CTSK: variants seen among roughly 807,000 people sequenced by gnomAD.
The protein encoded by CTSK is cathepsin K.
In CTSK, 26 loss-of-function variants were observed where a neutral mutation model predicts 40.5. The observed-to-expected ratio is 0.64, with a 90% CI of 0.47 to 0.89. The LOEUF is 0.89. Among genes scored for constraint, CTSK ranks in the 40% least tolerant of loss-of-function variants. The probability of loss-of-function intolerance (pLI) is 0.00; values close to 1 mark genes in which losing one functional copy is unlikely to be tolerated. For synonymous variants in CTSK, 132 were observed against 143.2 expected (o/e 0.92, Z 0.56); for missense variants, 292 against 400.1 (o/e 0.73, Z 2.30).
At chr1:150,796,965 G>A in intron 7 of CTSK, 67 bp from the exon 8 acceptor site, 1 of 1,126,136 alleles carries the variant, frequency 8.9e-7, no homozygotes, top group South Asian at 1.2e-5. Context: ...TATTTACTGA[G>A]TATTGTGCGA....
intron 5 of CTSK, chr1:150,800,903 A>G (rs1002020676): frequency 6.6e-6 from 1 of 152,248 alleles, no homozygotes; most frequent in Non-Finnish European, 1.5e-5. Context: ...TACTGCCTTG[A>G]TATTTTTCAA....
At chr1:150,807,122 AC>A (rs1654121415) in intron 1 of CTSK, 1 of 442,392 alleles carries the variant, frequency 2.3e-6, no homozygotes. Flanking sequence ...ACACACACAC[AC>A]ACGTACACAA....
chr1:150,807,005 T>TTC (rs71659432), intron 1 of CTSK, among the ~76,000 whole-genome samples, 199 bp from the exon 2 acceptor site: 2,871 of 139,032 alleles, frequency 0.021, 56 homozygotes, highest in African/African-American at 0.049. Context: ...ATTTCTCTCT[T>TTC]TCTCTCTCTC....
At chr1:150,806,265 G>A (rs199976601) in intron 2 of CTSK, 41 bp from the exon 3 acceptor site, 1 of 1,605,872 alleles carries the variant, frequency 6.2e-7, no homozygotes, top group African/African-American at 1.3e-5. Flanking sequence ...ACTGTCTACA[G>A]TTACATATGT....
intron 5 of CTSK, among the ~76,000 whole-genome samples, chr1:150,802,311 G>A (rs1654009741): frequency 6.6e-6 from 1 of 151,768 alleles, no homozygotes. Context: ...GCCAGGCATG[G>A]TGGCTTACAT....
Position 150,806,816 on chromosome 1 carries a change from A to G in CTSK, c.-1-10T>C, listed in dbSNP as rs768245146. 15 of 1,613,272 alleles carry G rather than the reference A, an allele frequency of 9.3e-6. No homozygotes were observed. The highest frequency in any genetic ancestry group is 1.2e-5 in the Non-Finnish European group (14 of 1,180,010). ...CTTGAGCCCCCACATCCTGCAGAAG[A>G]ATGTAGTTAGGGAAAACTCTTCCAT... On this transcript the variant is annotated splice_polypyrimidine_tract_variant and intron_variant, in intron 1 of 7. Coordinates refer to ENST00000271651, the MANE Select transcript of CTSK (RefSeq NM_000396.4).
At position 150,803,927 on chromosome 1, in the gene CTSK, G is replaced by A. The variant is rs1036037053; in HGVS notation, c.618+94C>T. ...ATCAAGAAAGCAGGATAGGATAACA[G>A]AAAACAGTATTTCTGGAATTGTTTC... On this transcript the variant is annotated intron_variant, in intron 5 of 7. Transcript: ENST00000271651. 4.5e-6 allele frequency: 5 copies of A among 1,104,986 alleles called. No individual in the cohort carries two copies. The East Asian group carries it at 9.4e-5, about 21-fold the overall frequency. The allele number at this position is 1,104,986 out of a possible 1,614,324, so 68.4% of individuals were successfully genotyped here. A position where few individuals can be genotyped will look rare whatever the true frequency, so the allele number is the denominator to read the frequency against.
intron 5 of CTSK, among the ~76,000 whole-genome samples, chr1:150,801,367 C>T (rs1653984889): frequency 6.6e-6 from 1 of 152,108 alleles, no homozygotes; most frequent in South Asian, 2.1e-4. Flanking sequence ...GATCTGCCTG[C>T]CTCAGCCTCC....
intron 4 of CTSK, among the ~76,000 whole-genome samples, chr1:150,805,539 T>A (rs1557826289): frequency 6.9e-6 from 1 of 145,232 alleles, no homozygotes; most frequent in Non-Finnish European, 1.5e-5. Context: ...CTCAGGAGGC[T>A]GAGGCAGGAG....
intron 5 of CTSK, 38 bp from the exon 6 acceptor site, chr1:150,799,747 C>T: frequency 1.3e-6 from 2 of 1,590,866 alleles, no homozygotes; most frequent in Non-Finnish European, 1.7e-6. Context: ...TAGGACAAAG[C>T]AATAGGCAAT....
At chr1:150,799,374 G>A (rs1417428701) in intron 6 of CTSK, 101 bp from the exon 7 acceptor site, 8 of 1,238,492 alleles carry the variant, frequency 6.5e-6, no homozygotes, top group African/African-American at 1.5e-5. Context: ...ATCCGTGTCA[G>A]GAGGGTTTAC....
chr1:150,799,117 T>A, intron 7 of CTSK, 51 bp downstream of exon 7: 1 of 1,187,384 alleles, frequency 8.4e-7, no homozygotes, highest in Non-Finnish European at 1.3e-6. Context: ...GGAGGTGAGG[T>A]TGAGTGTTAA....
chr1:150,803,982 G>A (rs1192599193), intron 5 of CTSK, 39 bp downstream of exon 5: 8 of 1,508,800 alleles, frequency 5.3e-6, no homozygotes, highest in Non-Finnish European at 7.4e-6. Flanking sequence ...GGGGAAGGAG[G>A]AGCCAACAGA....
At chr1:150,806,628 A>C in intron 2 of CTSK, 58 bp downstream of exon 2, 12 of 1,611,096 alleles carry the variant, frequency 7.4e-6, no homozygotes, top group Non-Finnish European at 1.0e-5. Flanking sequence ...CTGGAAGCTA[A>C]GATGAGAGAG....
In CTSK at chr1:150,799,540, T is replaced by C. The variant is rs201251502; in HGVS notation, c.784+4A>G. 46 of 1,614,078 alleles carry C rather than the reference T, an allele frequency of 2.8e-5. No individual in the cohort carries two copies. The highest frequency in any genetic ancestry group is 3.7e-5 in the Non-Finnish European group (44 of 1,180,024). ...AGTGCTGTATAGGATCAGCAGCTTC[T>C]TACCTTTGCTGTAAAACTGGAAGGA... On this transcript the variant is annotated splice_donor_region_variant and intron_variant, in intron 6 of 7. Transcript: ENST00000271651.
rs201760561 is a variant in CTSK, at chr1:150,802,847, A to AT, written c.618+1173dup. ...CAGGAAGTGGAGGCTGCAGTGAGCTATGACTATATCACCACACTCCAGCCT... is the reference window on the plus strand; with the variant it reads ...CAGGAAGTGGAGGCTGCAGTGAGCTATTGACTATATCACCACACTCCAGCCT... On this transcript the variant is annotated intron_variant, in intron 5 of 7. Coordinates refer to ENST00000271651, the MANE Select transcript of CTSK (RefSeq NM_000396.4). Among the ~76,000 whole-genome samples, 1,315 of 152,290 alleles carry AT rather than the reference A, an allele frequency of 8.6e-3. 15 individuals carry two copies. The highest frequency in any genetic ancestry group is 0.03 in the African/African-American group (1,236 of 41,548).
intron 5 of CTSK, 68 bp from the exon 6 acceptor site, chr1:150,799,777 T>C (rs966206181): frequency 4.8e-6 from 7 of 1,456,246 alleles, no homozygotes; most frequent in Non-Finnish European, 6.7e-6. Context: ...AGTAAGAAAC[T>C]CAACCAATAT....
At chr1:150,802,722 C>CAAA (rs1307504587) in intron 5 of CTSK, among the ~76,000 whole-genome samples, 1 of 150,944 alleles carries the variant, frequency 6.6e-6, no homozygotes, top group African/African-American at 2.4e-5. Flanking sequence ...CTAGCCTCTA[C>CAAA]AAAAAAAAAT....
At chr1:150,800,688 T>C (rs1553197028) in intron 5 of CTSK, 4 of 198,274 alleles carry the variant, frequency 2.0e-5, no homozygotes, top group Non-Finnish European at 4.3e-5. Flanking sequence ...ACTTATTATC[T>C]ACTACTCAGC....
Sources: gnomAD v4.1 joint callset for allele counts (sites outside exome capture counted in the v4.1 genomes callset) on GRCh38, gnomAD v4.1.1 for gene constraint, MANE v1.5 for transcripts, NCBI Gene and HGNC (gene_info 2026-07-23, HGNC 2026-07-21) for gene names.